The following UBE2Q2 variants were observed in gnomAD, a reference collection of about 807,000 sequenced individuals.
The protein encoded by UBE2Q2 is ubiquitin conjugating enzyme E2 Q2.
Under a neutral mutation model 59.9 loss-of-function variants are expected in UBE2Q2, and 54 were observed. That is an observed-to-expected ratio of 0.90 (90% CI 0.72 to 1.13). The LOEUF (loss-of-function observed/expected upper bound fraction) is 1.13, where lower values mean the gene tolerates loss of function less well. UBE2Q2 is among the 50% of genes most tolerant of loss of function. The probability of loss-of-function intolerance (pLI) is 0.00; values close to 1 mark genes in which losing one functional copy is unlikely to be tolerated. For missense variants in UBE2Q2, 433 were observed against 441.9 expected (o/e 0.98, Z 0.18); for synonymous variants, 165 against 155.2 (o/e 1.06, Z -0.47).
Position 75,879,078 on chromosome 15 carries a change from T to A in UBE2Q2, c.735-20T>A, listed in dbSNP as rs762482413. ...TCTCTAACTTTTTATTTGAACTGTT[T>A]TTTGTTTTGTAATTCTTAGGGTTGA... On this transcript the variant is annotated intron_variant, in intron 7 of 12. Transcript: ENST00000267938. 1 of 1,525,858 alleles carries A rather than the reference T, an allele frequency of 6.6e-7. No individual in the cohort carries two copies. The highest frequency in any genetic ancestry group is 8.8e-7 in the Non-Finnish European group (1 of 1,136,242). 94.5% of individuals were successfully genotyped at this position (1,525,858 alleles called of 1,614,324 possible).
chr15:75,882,343 C>A (rs1261152472), intron 8 of UBE2Q2, among the ~76,000 whole-genome samples: 1 of 151,942 alleles, frequency 6.6e-6, no homozygotes, highest in Non-Finnish European at 1.5e-5. Flanking sequence ...TTTTTTCCTC[C>A]CTGAGGAACT....
Position 75,843,574 on chromosome 15 carries a change from G to T in UBE2Q2, c.-93G>T. On this transcript the variant is annotated 5_prime_UTR_variant, in exon 1 of 13. Transcript: ENST00000267938. Reference sequence around the variant, plus strand: ...GAGCGCGGCCCAGGCCGGCCCCGCGGGGCGGTCGCGGCCGTGACGGCGGCT... The same window carrying T: ...GAGCGCGGCCCAGGCCGGCCCCGCGTGGCGGTCGCGGCCGTGACGGCGGCT... The T allele has an allele frequency of 8.2e-6, 9 of 1,099,856 alleles. No homozygotes were observed. The highest frequency in any genetic ancestry group is 1.1e-5 in the Non-Finnish European group (9 of 827,140). 68.1% of individuals were successfully genotyped at this position (1,099,856 alleles called of 1,614,324 possible).
chr15:75,852,695 T>C lies in UBE2Q2; in HGVS notation c.181-1691T>C, dbSNP rs183088833. ...AATGGTCCAGATGGTGTATTCCCAA[T>C]GTGTGCTGAAGAATTTGAAGAAGAA... is the stretch of plus-strand genomic sequence containing the variant. On this transcript the variant is annotated intron_variant, in intron 1 of 12. Coordinates refer to ENST00000267938, the MANE Select transcript of UBE2Q2 (RefSeq NM_173469.4). Among the ~76,000 whole-genome samples, 8 of 152,274 alleles carry C rather than the reference T, an allele frequency of 5.3e-5. No individual in the cohort carries two copies. The South Asian group carries it at 1.0e-3, about 20-fold the overall frequency.
chr15:75,867,393 C>G lies in UBE2Q2; in HGVS notation c.388-1558C>G, dbSNP rs191463548. Among the ~76,000 whole-genome samples the G allele has an allele frequency of 2.8e-3, 434 of 152,332 alleles. 3 individuals carry two copies. The highest frequency in any genetic ancestry group is 9.9e-3 in the African/African-American group (412 of 41,566). On this transcript the variant is annotated intron_variant, in intron 3 of 12. Transcript: ENST00000267938. ...ATTTGGATTGAGTCTGTGACTTTCTCAAGCCCAGCAGTCTGATTCCATCTC... is the reference window on the plus strand; with the variant it reads ...ATTTGGATTGAGTCTGTGACTTTCTGAAGCCCAGCAGTCTGATTCCATCTC...
intron 12 of UBE2Q2, among the ~76,000 whole-genome samples, chr15:75,897,968 CAA>C (rs890847834): frequency 2.6e-5 from 4 of 151,880 alleles, no homozygotes; most frequent in African/African-American, 9.7e-5. Context: ...GTATTCAAAA[CAA>C]AATTTTCAAG....
At chr15:75,859,411 T>A (rs1169985469) in intron 2 of UBE2Q2, among the ~76,000 whole-genome samples, 1 of 152,196 alleles carries the variant, frequency 6.6e-6, no homozygotes, top group African/African-American at 2.4e-5. Context: ...TACTAGATAT[T>A]TGCTTCTGTA....
intron 7 of UBE2Q2, chr15:75,878,308 A>G: frequency 2.8e-6 from 1 of 350,938 alleles, no homozygotes; most frequent in Non-Finnish European, 5.1e-6. Context: ...ACTTCATGAG[A>G]CTGTGATAAC....
At chr15:75,859,773 A>G (rs1203339540) in intron 2 of UBE2Q2, 105 bp from the exon 3 acceptor site, 1 of 741,856 alleles carries the variant, frequency 1.3e-6, no homozygotes, top group Admixed American at 3.7e-5. Flanking sequence ...GAGCAGTAAC[A>G]AACTTTTTCA....
At chr15:75,864,553 C>G (rs1328351872) in intron 3 of UBE2Q2, among the ~76,000 whole-genome samples, 1 of 147,494 alleles carries the variant, frequency 6.8e-6, no homozygotes, top group East Asian at 2.0e-4. Flanking sequence ...TTTCCTTTTT[C>G]TATGTATCGG....
rs546175380 is a variant in UBE2Q2 at position 75,864,095 on chromosome 15, C to T, written c.387+4113C>T. Among the ~76,000 whole-genome samples the T allele has an allele frequency of 9.2e-5, 14 of 152,242 alleles. No individual in the cohort carries two copies. The South Asian group carries it at 2.7e-3, about 29-fold the overall frequency. On this transcript the variant is annotated intron_variant, in intron 3 of 12. Coordinates refer to ENST00000267938, the MANE Select transcript of UBE2Q2 (RefSeq NM_173469.4). ...AATTCCTAATTTTGAATCATCCTTGCATTTCTATAGTAAACACCGTTAGAA... is the reference window on the plus strand; with the variant it reads ...AATTCCTAATTTTGAATCATCCTTGTATTTCTATAGTAAACACCGTTAGAA...
rs781208382 is a variant in UBE2Q2 at position 75,876,301 on chromosome 15, A to T, written c.673+30A>T. 6 of 1,561,860 alleles carry T rather than the reference A, an allele frequency of 3.8e-6. No homozygotes were observed. The Admixed American group carries it at 1.0e-4, about 27-fold the overall frequency. On this transcript the variant is annotated intron_variant, in intron 6 of 12. Transcript: ENST00000267938. ...GGATCTCTGGATCCCTGCTCTCTTTATGATTCTTCTGCTCTTTTCTATTGT... is the reference window on the plus strand; with the variant it reads ...GGATCTCTGGATCCCTGCTCTCTTTTTGATTCTTCTGCTCTTTTCTATTGT...
chr15:75,873,487 GT>G lies in UBE2Q2; in HGVS notation c.508del (p.Ser170GlnfsTer14). 6.2e-7 allele frequency: 1 copy of G among 1,613,838 alleles called. No homozygotes were observed. The highest frequency in any genetic ancestry group is 8.5e-7 in the Non-Finnish European group (1 of 1,179,914). ...AAGAAGAGCCTATTAGTGGGAAAAA[GT>G]CAGAGGATGAAGGAATTGAAAAAGA... ...KEEEPISGKK[S>X]EDEGIEKENL... On this transcript the variant is annotated frameshift_variant, in exon 5 of 13. Coordinates refer to ENST00000267938, the MANE Select transcript of UBE2Q2 (RefSeq NM_173469.4). LOFTEE classifies it high-confidence loss of function.
chr15:75,859,098 A>G (rs1182906563), intron 2 of UBE2Q2, among the ~76,000 whole-genome samples: 3 of 152,196 alleles, frequency 2.0e-5, no homozygotes, highest in African/African-American at 4.8e-5. Context: ...AAAACATTTT[A>G]AACAATGAAC....
chr15:75,868,861 G>GT (rs1555420879), intron 3 of UBE2Q2, 90 bp from the exon 4 acceptor site: 3 of 1,100,530 alleles, frequency 2.7e-6, no homozygotes, highest in Non-Finnish European at 1.4e-6. Context: ...AGTGACAGAT[G>GT]TTTGAGAGTT....
At chr15:75,853,621 AT>A (rs1251523394) in intron 1 of UBE2Q2, among the ~76,000 whole-genome samples, 6 of 152,080 alleles carry the variant, frequency 3.9e-5, no homozygotes, top group Non-Finnish European at 7.4e-5. Context: ...TTACTTTTCT[AT>A]TGCTCTGTAA....
chr15:75,864,473 A>G (rs575142251), intron 3 of UBE2Q2, among the ~76,000 whole-genome samples: 117 of 152,266 alleles, frequency 7.7e-4, no homozygotes, highest in Non-Finnish European at 1.2e-3. Flanking sequence ...CAATACGTCA[A>G]TATTGCTGAG....
intron 9 of UBE2Q2, among the ~76,000 whole-genome samples, chr15:75,889,979 C>T (rs1325598725): frequency 1.3e-5 from 2 of 152,238 alleles, no homozygotes; most frequent in East Asian, 3.9e-4. Flanking sequence ...TGGGTAAAAA[C>T]AATTTGAACC....
In UBE2Q2 at chr15:75,890,901, T is replaced by C. The variant is rs1454874001; in HGVS notation, c.934-18T>C. 5 of 1,606,520 alleles carry C rather than the reference T, an allele frequency of 3.1e-6. No individual in the cohort carries two copies. Among genetic ancestry groups the C allele is most frequent in the African/African-American group, 1.3e-5 (1 of 74,744 alleles). On this transcript the variant is annotated intron_variant, in intron 10 of 12. Coordinates refer to ENST00000267938, the MANE Select transcript of UBE2Q2 (RefSeq NM_173469.4). ...CAGAAATACTACTGTATTTTAGAGA[T>C]ACTTTGTTCTTCTGTAGGGCTGGAG...
In UBE2Q2 at chr15:75,870,417, T is replaced by G. The variant is rs139094412; in HGVS notation, c.447+1407T>G. Reference sequence around the variant, plus strand: ...TCTGGGAGTAAAATACTCTTAAAACTGTCAAGTTAGAATGAGAGTTTAATG... The same window carrying G: ...TCTGGGAGTAAAATACTCTTAAAACGGTCAAGTTAGAATGAGAGTTTAATG... On this transcript the variant is annotated intron_variant, in intron 4 of 12. Coordinates refer to ENST00000267938, the MANE Select transcript of UBE2Q2 (RefSeq NM_173469.4). Among the ~76,000 whole-genome samples, 409 of 152,312 alleles carry G rather than the reference T, an allele frequency of 2.7e-3. 5 individuals carry two copies. Among genetic ancestry groups the G allele is most frequent in the Non-Finnish European group, 1.8e-3 (125 of 68,020 alleles).
Sources: allele counts gnomAD v4.1 joint callset (sites outside exome capture counted in the v4.1 genomes callset), GRCh38; gene constraint gnomAD v4.1.1; transcripts MANE v1.5; gene names NCBI Gene and HGNC (gene_info 2026-07-23, HGNC 2026-07-21).